Variants in TENM3 observed in about 807,000 individuals in gnomAD.
TENM3 encodes teneurin transmembrane protein 3.
In TENM3, 63 loss-of-function variants were observed where a neutral mutation model predicts 255.1. The ratio of observed to expected loss-of-function variants is 0.25; its 90% CI spans 0.20 to 0.30. The LOEUF (loss-of-function observed/expected upper bound fraction) is 0.30. Among genes scored for constraint, TENM3 ranks in the 10% least tolerant of loss-of-function variants. The pLI is 1.00. For synonymous variants in TENM3, 1,306 were observed against 1,322.3 expected (o/e 0.99, Z 0.27); for missense variants, 2,929 against 3,461.1 (o/e 0.85, Z 3.86).
the TENM3 span, among the ~76,000 whole-genome samples, chr4:181,743,903 G>A: frequency 6.6e-6 from 1 of 151,986 alleles, no homozygotes. Context: ...TTGCTGCACA[G>A]ATCATCCCCA....
At chr4:181,950,240 G>C in the TENM3 span, among the ~76,000 whole-genome samples, 2 of 151,812 alleles carry the variant, frequency 1.3e-5, no homozygotes, top group African/African-American at 2.4e-5. Context: ...GCCCACCAGA[G>C]AACTCCCCTT....
At chr4:181,503,834 A>G in the TENM3 span, among the ~76,000 whole-genome samples, 1 of 152,200 alleles carries the variant, frequency 6.6e-6, no homozygotes, top group Non-Finnish European at 1.5e-5. Context: ...CTTTCTGACC[A>G]CAGTAGCTGC....
the TENM3 span, among the ~76,000 whole-genome samples, chr4:181,576,534 C>A: frequency 6.6e-6 from 1 of 152,114 alleles, no homozygotes; most frequent in South Asian, 2.1e-4. Flanking sequence ...AATTTACATT[C>A]CACCAGCAGT....
intron 22 of TENM3, among the ~76,000 whole-genome samples, chr4:182,762,458 T>C (rs1182933044): frequency 6.6e-6 from 1 of 152,156 alleles, no homozygotes; most frequent in Non-Finnish European, 1.5e-5. Flanking sequence ...AATAAAGCAA[T>C]AAGTTTACAC....
the TENM3 span, among the ~76,000 whole-genome samples, chr4:181,884,983 GTTTC>G: frequency 6.6e-6 from 1 of 151,820 alleles, no homozygotes; most frequent in Admixed American, 6.6e-5. Context: ...TCTTATTTTT[GTTTC>G]TTTGTTTAAA....
At chr4:181,870,195 T>C in the TENM3 span, among the ~76,000 whole-genome samples, 2 of 152,328 alleles carry the variant, frequency 1.3e-5, no homozygotes, top group East Asian at 1.9e-4. Context: ...TAGTATTTCA[T>C]TGATTAATAT....
At chr4:181,766,035 A>G in the TENM3 span, among the ~76,000 whole-genome samples, 1 of 152,166 alleles carries the variant, frequency 6.6e-6, no homozygotes, top group Non-Finnish European at 1.5e-5. Flanking sequence ...GAAACTTGGG[A>G]AACATAATTC....
At chr4:182,032,240 T>C in the TENM3 span, among the ~76,000 whole-genome samples, 1 of 152,242 alleles carries the variant, frequency 6.6e-6, no homozygotes, top group African/African-American at 2.4e-5. Context: ...ATACCTAGTT[T>C]ATTGAGTTTT....
chr4:181,697,336 C>T, the TENM3 span, among the ~76,000 whole-genome samples: 2 of 152,170 alleles, frequency 1.3e-5, no homozygotes, highest in African/African-American at 4.8e-5. Flanking sequence ...TCAGTAGATG[C>T]AGGAAGTGCA....
At chr4:182,206,547 T>A (rs910579879) in intron 1 of TENM3, among the ~76,000 whole-genome samples, 1 of 152,236 alleles carries the variant, frequency 6.6e-6, no homozygotes, top group East Asian at 1.9e-4. Context: ...GAGAATCTGC[T>A]AGCTTTCTTT....
chr4:182,466,169 G>A (rs9884867), intron 3 of TENM3, among the ~76,000 whole-genome samples: 137,240 of 152,212 alleles, frequency 0.9, 62,355 homozygotes, highest in East Asian at 1. Flanking sequence ...TTAAGGGTAT[G>A]ATTGTTCCCT....
At chr4:181,807,628 C>T in the TENM3 span, among the ~76,000 whole-genome samples, 1 of 152,318 alleles carries the variant, frequency 6.6e-6, no homozygotes, top group East Asian at 1.9e-4. Flanking sequence ...GCTGGAATTG[C>T]AGGTGTGAGC....
chr4:182,755,924 C>T (rs560990592), intron 22 of TENM3, among the ~76,000 whole-genome samples: 2 of 152,122 alleles, frequency 1.3e-5, no homozygotes, highest in Admixed American at 6.5e-5. Context: ...GGAAGGGACT[C>T]GTGTAAGGGA....
intron 8 of TENM3, 79 bp downstream of exon 8, chr4:182,679,955 C>T (rs958331413): frequency 1.6e-6 from 2 of 1,267,892 alleles, no homozygotes; most frequent in East Asian, 2.5e-5. Context: ...TTATCTGTAC[C>T]AATTTGGGGT....
intron 5 of TENM3, among the ~76,000 whole-genome samples, chr4:182,648,289 T>TG (rs2152504897): frequency 4.2e-5 from 1 of 23,930 alleles, no homozygotes; most frequent in South Asian, 2.3e-3. Context: ...TTTTAAGTTG[T>TG]TTTTTTTTTT....
At chr4:181,630,432 G>C in the TENM3 span, among the ~76,000 whole-genome samples, 1 of 152,050 alleles carries the variant, frequency 6.6e-6, no homozygotes, top group Non-Finnish European at 1.5e-5. Context: ...TGTGATGTTA[G>C]GGTGTCGATT....
the TENM3 span, among the ~76,000 whole-genome samples, chr4:182,120,502 G>A: frequency 7.9e-5 from 12 of 152,012 alleles, no homozygotes; most frequent in South Asian, 1.2e-3. Flanking sequence ...GTATTTGCTT[G>A]TATGTATACA....
At chr4:182,333,966 T>C (rs1763940152) in intron 2 of TENM3, among the ~76,000 whole-genome samples, 1 of 152,198 alleles carries the variant, frequency 6.6e-6, no homozygotes, top group South Asian at 2.1e-4. Context: ...ATCCCAGGTC[T>C]GCCTTGCCGT....
chr4:181,461,366 T>C, the TENM3 span, among the ~76,000 whole-genome samples: 1 of 152,140 alleles, frequency 6.6e-6, no homozygotes, highest in African/African-American at 2.4e-5. Context: ...TGGTTTTATT[T>C]GTTTATTGCA....
Sources: gnomAD v4.1 joint callset for allele counts (sites outside exome capture counted in the v4.1 genomes callset) on GRCh38, gnomAD v4.1.1 for gene constraint, MANE v1.5 for transcripts, NCBI Gene and HGNC (gene_info 2026-07-23, HGNC 2026-07-21) for gene names.